Variants in SPATA17 observed in about 807,000 individuals in gnomAD.
SPATA17 encodes the protein spermatogenesis-associated protein 17.
A neutral mutation model predicts 62.2 loss-of-function variants in SPATA17; 53 were observed. The ratio of observed to expected loss-of-function variants is 0.85; its 90% CI spans 0.68 to 1.07. SPATA17 has a LOEUF of 1.07. SPATA17 is among the 50% of genes least tolerant of loss of function. SPATA17 has a pLI of 0.00. For synonymous variants in SPATA17, 146 were observed against 146.8 expected, an observed-to-expected ratio of 0.99 and a Z score of 0.04; for missense variants, 466 against 425.5, an observed-to-expected ratio of 1.10 and a Z score of -0.84.
At chr1:217,685,769 G>A (rs923399215) in intron 5 of SPATA17, among the ~76,000 whole-genome samples, 1 of 152,074 alleles carries the variant, frequency 6.6e-6, no homozygotes, top group African/African-American at 2.4e-5. Flanking sequence ...TTCTGTATAT[G>A]TGATTGGTTA....
intron 9 of SPATA17, among the ~76,000 whole-genome samples, chr1:217,854,904 C>T (rs1198709123): frequency 3.3e-5 from 5 of 152,170 alleles, no homozygotes; most frequent in Non-Finnish European, 7.3e-5. Flanking sequence ...GTCATTCTTT[C>T]AGCTAAATAA....
At chr1:217,654,998 CCG>C (rs1670409122) in intron 3 of SPATA17, among the ~76,000 whole-genome samples, 1 of 152,180 alleles carries the variant, frequency 6.6e-6, no homozygotes. Flanking sequence ...GCGTGAGCCA[CCG>C]CACCCAGCCC....
chr1:217,788,783 A>C (rs907540532), intron 8 of SPATA17, among the ~76,000 whole-genome samples: 2 of 152,200 alleles, frequency 1.3e-5, no homozygotes, highest in Non-Finnish European at 2.9e-5. Flanking sequence ...CCTATTTTGC[A>C]CTTCTGACCT....
intron 9 of SPATA17, among the ~76,000 whole-genome samples, chr1:217,859,116 A>G (rs564827621): frequency 4.1e-5 from 6 of 145,260 alleles, no homozygotes; most frequent in African/African-American, 1.5e-4. Flanking sequence ...TGTTTATATT[A>G]TACATAAATT....
In SPATA17 at chr1:217,870,152, A is replaced by G. The variant is rs907622029; in HGVS notation, c.*3133A>G. 3 of 152,158 alleles carry G rather than the reference A, an allele frequency of 2.0e-5. No homozygotes were observed. Among genetic ancestry groups the G allele is most frequent in the African/African-American group, 7.2e-5 (3 of 41,436 alleles). 9.4% of individuals were successfully genotyped at this position (152,158 alleles called of 1,614,324 possible). A position where few individuals can be genotyped will look rare whatever the true frequency, so the allele number is the denominator to read the frequency against. On this transcript the variant is annotated 3_prime_UTR_variant, in exon 11 of 11. Transcript: ENST00000366933. ...CCACATGTTCGTAAAAATGGTAGCC[A>G]TGGCCCCTGACTGAACCCAGGTATG...
At chr1:217,860,362 A>G (rs1675874123) in intron 9 of SPATA17, among the ~76,000 whole-genome samples, 1 of 152,176 alleles carries the variant, frequency 6.6e-6, no homozygotes, top group African/African-American at 2.4e-5. Context: ...CTCTGTAAGA[A>G]TGAGTATTCT....
At chr1:217,725,709 C>T (rs543735479) in intron 5 of SPATA17, among the ~76,000 whole-genome samples, 70 of 152,274 alleles carry the variant, frequency 4.6e-4, no homozygotes, top group African/African-American at 1.5e-3. Flanking sequence ...GTGATCGGCC[C>T]GTCTCAGCCT....
chr1:217,826,999 C>A (rs538070547), intron 9 of SPATA17, among the ~76,000 whole-genome samples: 63 of 151,978 alleles, frequency 4.1e-4, no homozygotes, highest in African/African-American at 1.5e-3. Flanking sequence ...TTTTTTATGT[C>A]TTTTTCTAGT....
intron 7 of SPATA17, among the ~76,000 whole-genome samples, chr1:217,779,870 T>C (rs1673693673): frequency 6.6e-6 from 1 of 152,086 alleles, no homozygotes; most frequent in Admixed American, 6.6e-5. Context: ...ACATATAAAA[T>C]GACTATAAAT....
chr1:217,658,228 C>T (rs1670484503), intron 3 of SPATA17, among the ~76,000 whole-genome samples: 1 of 152,100 alleles, frequency 6.6e-6, no homozygotes, highest in Admixed American at 6.5e-5. Context: ...GAGGATCCCT[C>T]ATGAAAGACT....
intron 5 of SPATA17, among the ~76,000 whole-genome samples, chr1:217,704,475 C>G (rs562518356): frequency 6.6e-6 from 1 of 151,236 alleles, no homozygotes; most frequent in Non-Finnish European, 1.5e-5. Flanking sequence ...TGGTCTCGAT[C>G]TCCTGACCTC....
chr1:217,846,465 A>T (rs1195392191), intron 9 of SPATA17, among the ~76,000 whole-genome samples: 2 of 152,066 alleles, frequency 1.3e-5, no homozygotes, highest in African/African-American at 4.8e-5. Flanking sequence ...GTAAAATTAG[A>T]TAAAATCAAG....
intron 9 of SPATA17, among the ~76,000 whole-genome samples, chr1:217,822,644 A>T (rs1470690360): frequency 6.8e-6 from 1 of 148,146 alleles, no homozygotes; most frequent in Non-Finnish European, 1.5e-5. Context: ...CTATATATAT[A>T]TATAAAATAA....
intron 5 of SPATA17, among the ~76,000 whole-genome samples, chr1:217,734,201 T>G (rs1672458432): frequency 6.6e-6 from 1 of 152,244 alleles, no homozygotes; most frequent in African/African-American, 2.4e-5. Flanking sequence ...ATTTTAGACT[T>G]AGCATTCTCT....
chr1:217,680,520 AT>A (rs1172870851), intron 4 of SPATA17, among the ~76,000 whole-genome samples: 4 of 151,870 alleles, frequency 2.6e-5, no homozygotes, highest in East Asian at 1.9e-4. Context: ...TAATTTTAGA[AT>A]TTTTTTTTAA....
chr1:217,834,048 G>A (rs1675204923), intron 9 of SPATA17, among the ~76,000 whole-genome samples: 2 of 152,100 alleles, frequency 1.3e-5, no homozygotes, highest in Non-Finnish European at 2.9e-5. Flanking sequence ...ACATAATGAC[G>A]TTTCAGTCAA....
At chr1:217,655,163 T>C (rs1029293764) in intron 3 of SPATA17, among the ~76,000 whole-genome samples, 2 of 152,192 alleles carry the variant, frequency 1.3e-5, no homozygotes, top group Admixed American at 6.5e-5. Flanking sequence ...GGATTTCACT[T>C]TGTAGTTAGT....
At chr1:217,864,241 A>G (rs1675955964) in intron 10 of SPATA17, among the ~76,000 whole-genome samples, 1 of 152,184 alleles carries the variant, frequency 6.6e-6, no homozygotes, top group African/African-American at 2.4e-5. Flanking sequence ...TTTGTGTATG[A>G]CTTCAGCTTT....
chr1:217,834,100 G>A (rs1410783431), intron 9 of SPATA17, among the ~76,000 whole-genome samples: 1 of 152,082 alleles, frequency 6.6e-6, no homozygotes, highest in Non-Finnish European at 1.5e-5. Flanking sequence ...AAGATTATAA[G>A]GAAGCTTAAA....
Sources: allele counts gnomAD v4.1 joint callset (sites outside exome capture counted in the v4.1 genomes callset), GRCh38; gene constraint gnomAD v4.1.1; transcripts MANE v1.5; gene names NCBI Gene and HGNC (gene_info 2026-07-23, HGNC 2026-07-21).